Variants in C2CD2L observed in about 807,000 individuals in gnomAD.
C2CD2L encodes C2CD2 like, also known as phospholipid transfer protein C2CD2L.
In C2CD2L, 24 loss-of-function variants were observed where a neutral mutation model predicts 69.9. The ratio of observed to expected loss-of-function variants is 0.34; its 90% CI spans 0.25 to 0.48. The LOEUF is 0.48. Ranked by LOEUF, C2CD2L falls within the 20% of genes least tolerant of loss-of-function variation. The pLI is 0.99. For missense variants in C2CD2L, 811 were observed against 941.5 expected, an observed-to-expected ratio of 0.86 and a Z score of 1.81; for synonymous variants, 367 against 391.0, an observed-to-expected ratio of 0.94 and a Z score of 0.72.
At position 119,117,963 on chromosome 11, in the gene C2CD2L, A is replaced by ACCTC. The variant is rs1946932095; in HGVS notation, c.*1707_*1708insCCTC. 1 of 152,218 alleles carries ACCTC rather than the reference A, an allele frequency of 6.6e-6. No individual in the cohort carries two copies. Among genetic ancestry groups the ACCTC allele is most frequent in the African/African-American group, 2.4e-5 (1 of 41,438 alleles). The allele number at this position is 152,218 out of a possible 1,614,324, so 9.4% of individuals were successfully genotyped here. ...TGACTACCTATATCTCAGGGTGTTT[A>ACCTC]GGGCACATGCCTTTGGGTAGATAGC... On this transcript the variant is annotated 3_prime_UTR_variant, in exon 14 of 14. Coordinates refer to ENST00000648610, the MANE Select transcript of C2CD2L (RefSeq NM_001290474.2).
intron 7 of C2CD2L, 136 bp from the exon 8 acceptor site, chr11:119,112,192 C>T (rs899373629): frequency 1.3e-6 from 1 of 742,596 alleles, no homozygotes; most frequent in African/African-American, 1.8e-5. Context: ...AATTTGGAGG[C>T]CAGGAGAATC....
rs34673237 is a variant in C2CD2L, at chr11:119,111,586, G to A, written c.976G>A (p.Ala326Thr). 1.4e-3 allele frequency: 2,336 copies of A among 1,614,046 alleles called. 24 individuals carry two copies. In the African/African-American group the frequency reaches 0.027, roughly 18 times the overall value. ...NPMQQKWTKP[A>T]RAGSEVEWTE... ...CATGCAGCAGAAGTGGACCAAGCCC[G>A]CGAGGGCTGGATCCGAGGTGGAGTG... Residue 326 changes from alanine (A) to threonine (T), a missense_variant, in exon 7 of 14, where the codon GCG (alanine) becomes ACG (threonine). Coordinates refer to ENST00000648610, the MANE Select transcript of C2CD2L (RefSeq NM_001290474.2).
At position 119,107,808 on chromosome 11, in the gene C2CD2L, C is replaced by T; in HGVS notation, c.67C>T (p.Leu23=). 3 of 1,551,598 alleles carry T rather than the reference C, an allele frequency of 1.9e-6. No homozygotes were observed. The highest frequency in any genetic ancestry group is 2.6e-6 in the Non-Finnish European group (3 of 1,160,902). ...CTTGCTGATCCTCTTCGCCGCCTCG[C>T]TGCTCACGGTGTTCGCCTGGCTGCT... is the stretch of plus-strand genomic sequence containing the variant. ...AALLILFAAS[L]LTVFAWLLQY... The change falls in exon 1 of 14, where the codon CTG becomes TTG. Residue 23 remains leucine, a synonymous_variant. Coordinates refer to ENST00000648610, the MANE Select transcript of C2CD2L (RefSeq NM_001290474.2). The surrounding 1 kb of genome is among the most constrained non-coding windows in gnomAD (Gnocchi z 5.4).
chr11:119,103,858 A>G (rs1197231686), upstream of C2CD2L, among the ~76,000 whole-genome samples: 5 of 152,140 alleles, frequency 3.3e-5, no homozygotes. Context: ...TCCCACTGCT[A>G]TTATTTTTCT....
Position 119,114,456 on chromosome 11 carries a change from C to T in C2CD2L, c.1909+91C>T, listed in dbSNP as rs1946835732. The T allele has an allele frequency of 4.6e-6, 6 of 1,302,064 alleles. No homozygotes were observed. Among genetic ancestry groups the T allele is most frequent in the Admixed American group, 1.8e-5 (1 of 55,696 alleles). The allele number at this position is 1,302,064 out of a possible 1,614,324, so 80.7% of individuals were successfully genotyped here. ...CTCGAGCCAGTGTGCCTTCTCCTTC[C>T]TCCCCTAAGAGATAGCCGGATTCCC... On this transcript the variant is annotated intron_variant, in intron 13 of 13. Coordinates refer to ENST00000648610, the MANE Select transcript of C2CD2L (RefSeq NM_001290474.2). This position sits in a 1 kb window ranked among gnomAD's most constrained non-coding sequence, Gnocchi z 5.1.
At chr11:119,107,263 A>G (rs1311568689), upstream of C2CD2L, 1 of 152,298 alleles carries the variant, frequency 6.6e-6, no homozygotes, top group Non-Finnish European at 1.5e-5. This position sits in a 1 kb window ranked among gnomAD's most constrained non-coding sequence, Gnocchi z 5.4. Context: ...GCCCTCCTCC[A>G]GCGAGGGAGC....
At position 119,116,172 on chromosome 11, in the gene C2CD2L, C is replaced by T. The variant is rs1223967402; in HGVS notation, c.2037C>T (p.Ala679=). The change falls in exon 14 of 14, where the codon GCC becomes GCT. Residue 679 remains alanine (A), a synonymous_variant. Coordinates refer to ENST00000648610, the MANE Select transcript of C2CD2L (RefSeq NM_001290474.2). ...ATATPSVRKK[A]GSFSRRLIKR... ...CCACGCCCAGTGTCCGAAAGAAGGC[C>T]GGCAGCTTTTCTCGCCGCCTTATCA... is the stretch of plus-strand genomic sequence containing the variant. 2.8e-5 allele frequency: 46 copies of T among 1,614,138 alleles called. No individual in the cohort carries two copies. The highest frequency in any genetic ancestry group is 3.5e-5 in the Non-Finnish European group (41 of 1,180,048).
chr11:119,102,621 C>T (rs747562435), upstream of C2CD2L, among the ~76,000 whole-genome samples: 6 of 151,956 alleles, frequency 3.9e-5, no homozygotes, highest in Non-Finnish European at 7.4e-5. Flanking sequence ...GAGACTTCAG[C>T]TTGGCCGTGG....
chr11:119,110,212 T>G lies in C2CD2L; in HGVS notation c.450+13T>G, dbSNP rs1439556870. 2 of 1,581,170 alleles carry G rather than the reference T, an allele frequency of 1.3e-6. No homozygotes were observed. Among genetic ancestry groups the G allele is most frequent in the Non-Finnish European group, 1.7e-6 (2 of 1,150,152 alleles). On this transcript the variant is annotated intron_variant, in intron 2 of 13. Coordinates refer to ENST00000648610, the MANE Select transcript of C2CD2L (RefSeq NM_001290474.2). This position sits in a 1 kb window ranked among gnomAD's most constrained non-coding sequence, Gnocchi z 5.7. ...TGAGCATACCATGGTAAGGGTCTGATGGGCACTGCCCTCTTTGGGGTCCAA... is the reference window on the plus strand; with the variant it reads ...TGAGCATACCATGGTAAGGGTCTGAGGGGCACTGCCCTCTTTGGGGTCCAA...
Position 119,112,471 on chromosome 11 carries a change from C to T in C2CD2L, c.1085-11C>T. On this transcript the variant is annotated splice_polypyrimidine_tract_variant and intron_variant, in intron 8 of 13. Coordinates refer to ENST00000648610, the MANE Select transcript of C2CD2L (RefSeq NM_001290474.2). Reference sequence around the variant, plus strand: ...CATGGGCCCAGCTCACAGTGCCATCCCTTTCCCCAGCCGAACTCCTAGGCC... The same window carrying T: ...CATGGGCCCAGCTCACAGTGCCATCTCTTTCCCCAGCCGAACTCCTAGGCC... 3 of 1,613,918 alleles carry T rather than the reference C, an allele frequency of 1.9e-6. No homozygotes were observed. Among genetic ancestry groups the T allele is most frequent in the Non-Finnish European group, 2.5e-6 (3 of 1,179,900 alleles).
Position 119,118,342 on chromosome 11 carries a change from G to A in C2CD2L, c.*2086G>A, listed in dbSNP as rs1025032920. On this transcript the variant is annotated 3_prime_UTR_variant, in exon 14 of 14. Transcript: ENST00000648610. ...AGCTCCCACTTATAAATGAGAATATGCCATATTTGACTTTGTTTCTGAGTT... is the reference window on the plus strand; with the variant it reads ...AGCTCCCACTTATAAATGAGAATATACCATATTTGACTTTGTTTCTGAGTT... 1 of 152,050 alleles carries A rather than the reference G, an allele frequency of 6.6e-6. No individual in the cohort carries two copies. The highest frequency in any genetic ancestry group is 1.5e-5 in the Non-Finnish European group (1 of 68,002). 9.4% of individuals were successfully genotyped at this position (152,050 alleles called of 1,614,324 possible).
chr11:119,113,206 C>T (rs970983239), intron 10 of C2CD2L: 7 of 422,384 alleles, frequency 1.7e-5, no homozygotes, highest in Non-Finnish European at 3.0e-5. Flanking sequence ...GTCCATCCTG[C>T]TACCCTCAGC....
In C2CD2L at chr11:119,107,563, A is replaced by C; in HGVS notation, c.-179A>C. On this transcript the variant is annotated 5_prime_UTR_variant, in exon 1 of 14. Coordinates refer to ENST00000648610, the MANE Select transcript of C2CD2L (RefSeq NM_001290474.2). The surrounding 1 kb of genome is among the most constrained non-coding windows in gnomAD (Gnocchi z 5.4). ...GACCCCGGCATCGCGACCCCCGAGG[A>C]CCTCCTCTCCTCGCCCTGTGGCACC... 1 of 411,448 alleles carries C rather than the reference A, an allele frequency of 2.4e-6. No homozygotes were observed. Among genetic ancestry groups the C allele is most frequent in the Non-Finnish European group, 4.2e-6 (1 of 235,762 alleles). 25.5% of individuals were successfully genotyped at this position (411,448 alleles called of 1,614,324 possible). A position where few individuals can be genotyped will look rare whatever the true frequency, so the allele number is the denominator to read the frequency against.
intron 13 of C2CD2L, chr11:119,115,794 A>G (rs777119709): frequency 1.7e-6 from 1 of 587,526 alleles, no homozygotes; most frequent in Non-Finnish European, 3.0e-6. Context: ...AGATCCCCAC[A>G]AGTACCACGA....
chr11:119,110,086 C>T lies in C2CD2L; in HGVS notation c.355-18C>T. Reference sequence around the variant, plus strand: ...GCAGCTCCAGAGACCTGATCCAATGCCCACATTACTCCCTCAGAGCTCCAT... The same window carrying T: ...GCAGCTCCAGAGACCTGATCCAATGTCCACATTACTCCCTCAGAGCTCCAT... On this transcript the variant is annotated intron_variant, in intron 1 of 13. Coordinates refer to ENST00000648610, the MANE Select transcript of C2CD2L (RefSeq NM_001290474.2). The surrounding 1 kb of genome is among the most constrained non-coding windows in gnomAD (Gnocchi z 5.7). 2 of 1,576,888 alleles carry T rather than the reference C, an allele frequency of 1.3e-6. No homozygotes were observed. The highest frequency in any genetic ancestry group is 1.7e-6 in the Non-Finnish European group (2 of 1,146,130).
chr11:119,104,510 G>A (rs577975133), upstream of C2CD2L, among the ~76,000 whole-genome samples: 46 of 152,288 alleles, frequency 3.0e-4, no homozygotes, highest in South Asian at 8.3e-3. Context: ...GAGTATTTTT[G>A]TTCCCATGAT....
chr11:119,110,502 G>A lies in C2CD2L; in HGVS notation c.451-59G>A. On this transcript the variant is annotated intron_variant, in intron 2 of 13. Coordinates refer to ENST00000648610, the MANE Select transcript of C2CD2L (RefSeq NM_001290474.2). The surrounding 1 kb of genome is among the most constrained non-coding windows in gnomAD (Gnocchi z 5.7). ...GAGGGGTCTGCTGAACTATTACAGGGCAGTTCAAAGCAGGGTGAGCACCCT... is the reference window on the plus strand; with the variant it reads ...GAGGGGTCTGCTGAACTATTACAGGACAGTTCAAAGCAGGGTGAGCACCCT... 6.4e-7 allele frequency: 1 copy of A among 1,569,230 alleles called. No homozygotes were observed. Among genetic ancestry groups the A allele is most frequent in the East Asian group, 2.3e-5 (1 of 43,596 alleles).
rs140064567 is a variant in C2CD2L, at chr11:119,108,075, G to A, written c.334G>A (p.Glu112Lys). Reference sequence around the variant, plus strand: ...GCGGGCTTGGGTGCGAGCGCTGAACGAGCAGGCCTGCAGAAACGGGGTGAG... The same window carrying A: ...GCGGGCTTGGGTGCGAGCGCTGAACAAGCAGGCCTGCAGAAACGGGGTGAG... ...WQRAWVRALN[E>K]QACRNGSSIQ... The change falls in exon 1 of 14, where the codon GAG becomes AAG. Residue 112 changes from glutamate to lysine, a missense_variant. Transcript: ENST00000648610. The A allele has an allele frequency of 1.4e-3, 2,288 of 1,596,974 alleles. 8 individuals are homozygous for A. Among genetic ancestry groups the A allele is most frequent in the Middle Eastern group, 9.2e-3 (55 of 6,006 alleles).
intron 1 of C2CD2L, chr11:119,108,472 T>G: frequency 5.1e-6 from 1 of 196,536 alleles, no homozygotes; most frequent in Non-Finnish European, 1.0e-5. Flanking sequence ...CACACCCATT[T>G]AACATTTCAT....
Sources: allele counts gnomAD v4.1 joint callset (sites outside exome capture counted in the v4.1 genomes callset), GRCh38; gene constraint gnomAD v4.1.1; non-coding constraint Gnocchi (gnomAD v3.1); transcripts MANE v1.5; gene names NCBI Gene and HGNC (gene_info 2026-07-23, HGNC 2026-07-21).